Variants in CYP7B1 observed in about 807,000 individuals in gnomAD.
The protein encoded by CYP7B1 is cytochrome P450 7B1.
In CYP7B1, 29 loss-of-function variants were observed where a neutral mutation model predicts 42.7. The observed-to-expected ratio is 0.68, with a 90% CI of 0.51 to 0.93. The LOEUF is 0.93. CYP7B1 is among the 40% of genes least tolerant of loss of function. The pLI is 0.00. For synonymous variants in CYP7B1, 235 were observed against 218.2 expected (o/e 1.08, Z -0.68); for missense variants, 655 against 600.5 (o/e 1.09, Z -0.95).
chr8:64,777,261 G>A (rs996812721), intron 1 of CYP7B1, among the ~76,000 whole-genome samples: 2 of 151,712 alleles, frequency 1.3e-5, no homozygotes. Flanking sequence ...GGTAAGATGG[G>A]ATTTTTGGCA....
At chr8:64,698,376 T>TC (rs1315541826) in intron 1 of CYP7B1, among the ~76,000 whole-genome samples, 1 of 152,038 alleles carries the variant, frequency 6.6e-6, no homozygotes, top group Admixed American at 6.6e-5. Flanking sequence ...TCCTACTCTT[T>TC]CCCCTCACTA....
At chr8:64,655,740 T>A (rs1806111374) in intron 1 of CYP7B1, among the ~76,000 whole-genome samples, 1 of 152,060 alleles carries the variant, frequency 6.6e-6, no homozygotes, top group African/African-American at 2.4e-5. Flanking sequence ...CTATTCACAA[T>A]AGCAAAGACA....
chr8:64,666,103 A>G (rs1341296767), intron 1 of CYP7B1, among the ~76,000 whole-genome samples: 1 of 152,198 alleles, frequency 6.6e-6, no homozygotes, highest in Non-Finnish European at 1.5e-5. Context: ...TATTGGCACT[A>G]TGGTTAATTT....
intron 1 of CYP7B1, among the ~76,000 whole-genome samples, chr8:64,661,048 G>A (rs1454961570): frequency 6.6e-6 from 1 of 152,230 alleles, no homozygotes. Flanking sequence ...ATGGAAGCCT[G>A]CAAATGTGAA....
chr8:64,723,598 T>C (rs1807277629), intron 1 of CYP7B1, among the ~76,000 whole-genome samples: 1 of 152,218 alleles, frequency 6.6e-6, no homozygotes, highest in African/African-American at 2.4e-5. Flanking sequence ...CATAGTTATG[T>C]CTGATGGATT....
At chr8:64,616,889 T>C (rs1033684925) in intron 2 of CYP7B1, among the ~76,000 whole-genome samples, 1 of 152,218 alleles carries the variant, frequency 6.6e-6, no homozygotes, top group African/African-American at 2.4e-5. Context: ...CATATTGACT[T>C]GTGACTGACA....
At chr8:64,779,225 T>G (rs1341618861) in intron 1 of CYP7B1, among the ~76,000 whole-genome samples, 1 of 152,114 alleles carries the variant, frequency 6.6e-6, no homozygotes, top group Non-Finnish European at 1.5e-5. Flanking sequence ...AGTCAAACAT[T>G]GTGAGTTTGA....
chr8:64,606,986 T>C (rs1433356852), intron 4 of CYP7B1, among the ~76,000 whole-genome samples: 1 of 152,164 alleles, frequency 6.6e-6, no homozygotes, highest in Non-Finnish European at 1.5e-5. Flanking sequence ...GTTGTCATAG[T>C]TGAGCAGACA....
intron 1 of CYP7B1, among the ~76,000 whole-genome samples, chr8:64,637,953 A>G (rs1165677474): frequency 6.6e-6 from 1 of 151,924 alleles, no homozygotes; most frequent in African/African-American, 2.4e-5. Flanking sequence ...TTACTGACAG[A>G]TTTTCCTGAC....
At chr8:64,727,420 A>G (rs1807340255) in intron 1 of CYP7B1, among the ~76,000 whole-genome samples, 1 of 152,164 alleles carries the variant, frequency 6.6e-6, no homozygotes, top group South Asian at 2.1e-4. Flanking sequence ...TTTAATGTAT[A>G]TATAGTCAAT....
At chr8:64,765,567 T>C (rs1807959241) in intron 1 of CYP7B1, among the ~76,000 whole-genome samples, 1 of 152,168 alleles carries the variant, frequency 6.6e-6, no homozygotes, top group Non-Finnish European at 1.5e-5. Context: ...GACCCCTTTT[T>C]CTGTGGTCAA....
chr8:64,753,178 G>A (rs1807755755), intron 1 of CYP7B1, among the ~76,000 whole-genome samples: 1 of 152,070 alleles, frequency 6.6e-6, no homozygotes, highest in African/African-American at 2.4e-5. Context: ...ATAAACAATA[G>A]ACTTATATTT....
rs1563535018 is a variant in CYP7B1, at chr8:64,592,659, C to T, written c.*3983G>A. On this transcript the variant is annotated 3_prime_UTR_variant, in exon 6 of 6. Transcript: ENST00000310193. ...AGAGCAATTTTTTAAAGGCACAACA[C>T]TGTTGAAGTATCTTCATTAAACTTT... is the stretch of plus-strand genomic sequence containing the variant. Among the ~76,000 whole-genome samples, 2 of 152,200 alleles carry T rather than the reference C, an allele frequency of 1.3e-5. No homozygotes were observed. The highest frequency in any genetic ancestry group is 2.9e-5 in the Non-Finnish European group (2 of 68,026).
rs770987859 is a variant in CYP7B1 at position 64,798,441 on chromosome 8, G to A, written c.122+25C>T. On this transcript the variant is annotated intron_variant, in intron 1 of 5. Coordinates refer to ENST00000310193, the MANE Select transcript of CYP7B1 (RefSeq NM_004820.5). Reference sequence around the variant, plus strand: ...GGCCCGCGGGGCCCAGGGCGCATGCGTGGCCTGGCGGCCGAGGCGCTTACC... The same window carrying A: ...GGCCCGCGGGGCCCAGGGCGCATGCATGGCCTGGCGGCCGAGGCGCTTACC... 97 of 1,506,306 alleles carry A rather than the reference G, an allele frequency of 6.4e-5. 1 individual carries two copies. The Middle Eastern group carries it at 1.1e-3, about 17-fold the overall frequency. 93.3% of individuals were successfully genotyped at this position (1,506,306 alleles called of 1,614,324 possible). A position where few individuals can be genotyped will look rare whatever the true frequency, so the allele number is the denominator to read the frequency against.
At chr8:64,597,413 G>A (rs1805135712) in intron 5 of CYP7B1, among the ~76,000 whole-genome samples, 1 of 152,146 alleles carries the variant, frequency 6.6e-6, no homozygotes, top group African/African-American at 2.4e-5. Context: ...TGATAGATGA[G>A]AACTATGAGT....
In CYP7B1 at chr8:64,672,156, A is replaced by G. The variant is rs73689570; in HGVS notation, c.123-47617T>C. Among the ~76,000 whole-genome samples the G allele has an allele frequency of 1.4e-3, 209 of 152,300 alleles. 1 individual carries two copies. The highest frequency in any genetic ancestry group is 4.8e-3 in the African/African-American group (198 of 41,582). On this transcript the variant is annotated intron_variant, in intron 1 of 5. Transcript: ENST00000310193. ...GAACAGATTAATGATATGATCTTGT[A>G]GAAGACTGGCCATTTTAATTTCAGG...
chr8:64,589,495 A>T (rs1475820899), downstream of CYP7B1, among the ~76,000 whole-genome samples: 1 of 152,250 alleles, frequency 6.6e-6, no homozygotes, highest in African/African-American at 2.4e-5. Context: ...CATTTGACGT[A>T]GAAAACAAAT....
intron 1 of CYP7B1, among the ~76,000 whole-genome samples, chr8:64,625,544 A>T (rs1478306410): frequency 6.6e-6 from 1 of 152,210 alleles, no homozygotes; most frequent in Non-Finnish European, 1.5e-5. Context: ...GGTCTTTCAC[A>T]AGTCATGTTA....
At position 64,604,838 on chromosome 8, in the gene CYP7B1, A is replaced by C. The variant is rs767519739; in HGVS notation, c.1077T>G (p.Ala359=). 1 of 1,614,110 alleles carries C rather than the reference A, an allele frequency of 6.2e-7. No homozygotes were observed. Among genetic ancestry groups the C allele is most frequent in the Non-Finnish European group, 8.5e-7 (1 of 1,180,038 alleles). The change falls in exon 5 of 6, where the codon GCT becomes GCG. Residue 359 remains alanine (A), a synonymous_variant. Coordinates refer to ENST00000310193, the MANE Select transcript of CYP7B1 (RefSeq NM_004820.5). ...TGGTTGAATATGAGGACAGTCGTAA[A>C]GCTTCAAAAATGCTGCTTTCTGAAG... is the stretch of plus-strand genomic sequence containing the variant. ...LICLESSIFE[A]LRLSSYSTTI...
Sources: allele counts gnomAD v4.1 joint callset (sites outside exome capture counted in the v4.1 genomes callset), GRCh38; gene constraint gnomAD v4.1.1; transcripts MANE v1.5; gene names NCBI Gene and HGNC (gene_info 2026-07-23, HGNC 2026-07-21).